The following MAN2C1 variants were observed in gnomAD, a reference collection of about 807,000 sequenced individuals.
MAN2C1 encodes alpha-mannosidase 2C1.
A neutral mutation model predicts 126.9 loss-of-function variants in MAN2C1; 111 were observed. The observed-to-expected ratio is 0.87, with a 90% CI of 0.75 to 1.02. The LOEUF (loss-of-function observed/expected upper bound fraction) is 1.02, where lower values mean the gene tolerates loss of function less well. MAN2C1 is among the 50% of genes least tolerant of loss of function. MAN2C1 has a pLI of 0.00. For missense variants in MAN2C1, 1,363 were observed against 1,364.4 expected (o/e 1.00, Z 0.02); for synonymous variants, 567 against 561.5 (o/e 1.01, Z -0.14).
chr15:75,365,869 G>T (rs2072564427), intron 4 of MAN2C1: 1 of 376,100 alleles, frequency 2.7e-6, no homozygotes, highest in Non-Finnish European at 5.2e-6. Flanking sequence ...CGGATAACCT[G>T]AGGTCAAGAA....
rs966697351 is a variant in MAN2C1 at position 75,361,069 on chromosome 15, C to T, written c.1437G>A (p.Leu479=). 6.2e-7 allele frequency: 1 copy of T among 1,611,050 alleles called. No individual in the cohort carries two copies. The highest frequency in any genetic ancestry group is 1.1e-5 in the South Asian group (1 of 90,338). ...TQTMLDRLKR[L]SNTDGLPRVQ... ...ACCTGGGCAGCCCATCCGTATTGCT[C>T]AGGCGCTTCAGGCGGTCCAGCATGG... Residue 479 remains leucine, a synonymous_variant, in exon 12 of 26, where the codon CTG becomes CTA. Coordinates refer to ENST00000267978, the MANE Select transcript of MAN2C1 (RefSeq NM_006715.4). The surrounding 1 kb of genome is among the most constrained non-coding windows in gnomAD (Gnocchi z 5.0).
rs1045988414 is a variant in MAN2C1 at position 75,355,819 on chromosome 15, GAA to G, written c.*85_*86del. On this transcript the variant is annotated 3_prime_UTR_variant, in exon 26 of 26. Transcript: ENST00000267978. ...CCCGATCCAAGGATTTATTCCACAA[GAA>G]AAGACTGATCCCTGCTTTAGGCTGG... 4.5e-5 allele frequency: 66 copies of G among 1,466,650 alleles called. No homozygotes were observed. The highest frequency in any genetic ancestry group is 4.4e-5 in the Non-Finnish European group (47 of 1,076,986). The allele number at this position is 1,466,650 out of a possible 1,614,324, so 90.9% of individuals were successfully genotyped here.
chr15:75,364,047 C>A lies in MAN2C1; in HGVS notation c.742G>T (p.Glu248Ter). The A allele has an allele frequency of 6.2e-7, 1 of 1,614,220 alleles. No homozygotes were observed. The highest frequency in any genetic ancestry group is 8.5e-7 in the Non-Finnish European group (1 of 1,180,042). Residue 248 changes from glutamate (E) to a stop codon, truncating the protein, a stop_gained, in exon 6 of 26, where the codon GAA (glutamate) becomes TAA (stop). Transcript: ENST00000267978. LOFTEE classifies it high-confidence loss of function. ...GTGGCATGAATGGTGTGTTGGCTTT[C>A]ACCCCCATGTTGGCCAAAGAACCTG... ...ASRFFGQHGG[E>*]SQHTIHATGH...
At position 75,356,384 on chromosome 15, in the gene MAN2C1, G is replaced by C. The variant is rs865893711; in HGVS notation, c.2803C>G (p.Pro935Ala). Residue 935 changes from proline to alanine, a missense_variant, in exon 24 of 26, where the codon CCA becomes GCA. Coordinates refer to ENST00000267978, the MANE Select transcript of MAN2C1 (RefSeq NM_006715.4). The surrounding 1 kb of genome is among the most constrained non-coding windows in gnomAD (Gnocchi z 5.8). Reference sequence around the variant, plus strand: ...GTGGCGGGCGCTGGGCTGGGGGCTGGCAGAGCCAACAGGGGGAAGTTTAGG... The same window carrying C: ...GTGGCGGGCGCTGGGCTGGGGGCTGCCAGAGCCAACAGGGGGAAGTTTAGG... ...YSLNFPLLAL[P>A]APSPAPATSW... 4 of 1,611,336 alleles carry C rather than the reference G, an allele frequency of 2.5e-6. No individual in the cohort carries two copies. Among genetic ancestry groups the C allele is most frequent in the East Asian group, 2.2e-5 (1 of 44,804 alleles).
chr15:75,362,804 G>T lies in MAN2C1; in HGVS notation c.791-56C>A. 1 of 1,485,932 alleles carries T rather than the reference G, an allele frequency of 6.7e-7. No individual in the cohort carries two copies. The allele number at this position is 1,485,932 out of a possible 1,614,324, so 92.0% of individuals were successfully genotyped here. ...GAGCAGCAAGGCTGACCAGGCCTGG[G>T]CTGGGACTCCAGAGGGTCACCTAGC... On this transcript the variant is annotated intron_variant, in intron 6 of 25. Transcript: ENST00000267978. This position sits in a 1 kb window ranked among gnomAD's most constrained non-coding sequence, Gnocchi z 4.5.
chr15:75,359,717 C>T lies in MAN2C1; in HGVS notation c.1851G>A (p.Gly617=), dbSNP rs2072427167. 2 of 1,614,150 alleles carry T rather than the reference C, an allele frequency of 1.2e-6. No homozygotes were observed. Among genetic ancestry groups the T allele is most frequent in the Non-Finnish European group, 1.7e-6 (2 of 1,180,038 alleles). ...LSAAAAALCA[G]EPGPEGLLIV... ...TGAGGAGGCCCTCAGGACCTGGCTCCCCAGCACACAGGGCTGCGGCTGCAG... is the reference window on the plus strand; with the variant it reads ...TGAGGAGGCCCTCAGGACCTGGCTCTCCAGCACACAGGGCTGCGGCTGCAG... The change falls in exon 16 of 26, where the codon GGG becomes GGA. Residue 617 remains glycine, a synonymous_variant. Coordinates refer to ENST00000267978, the MANE Select transcript of MAN2C1 (RefSeq NM_006715.4).
chr15:75,366,892 CTAAA>C (rs1281046258), intron 3 of MAN2C1, among the ~76,000 whole-genome samples: 5 of 152,046 alleles, frequency 3.3e-5, no homozygotes, highest in Non-Finnish European at 7.4e-5. Flanking sequence ...CTCTGCACCC[CTAAA>C]TAAATACCGG....
At position 75,356,701 on chromosome 15, in the gene MAN2C1, C is replaced by T. The variant is rs373717625; in HGVS notation, c.2658-16G>A. 4 of 1,605,560 alleles carry T rather than the reference C, an allele frequency of 2.5e-6. No individual in the cohort carries two copies. Among genetic ancestry groups the T allele is most frequent in the Non-Finnish European group, 2.6e-6 (3 of 1,176,466 alleles). On this transcript the variant is annotated splice_polypyrimidine_tract_variant and intron_variant, in intron 22 of 25. Coordinates refer to ENST00000267978, the MANE Select transcript of MAN2C1 (RefSeq NM_006715.4). The surrounding 1 kb of genome is among the most constrained non-coding windows in gnomAD (Gnocchi z 5.8). ...CGCCCGCAAGCTGGGGTGAGGAGGG[C>T]GCGTAGGGGCCACGCTGAAGCTGTT...
chr15:75,356,854 C>A lies in MAN2C1; in HGVS notation c.2596G>T (p.Ala866Ser). Residue 866 changes from alanine (A) to serine (S), a missense_variant, in exon 22 of 26, where the codon GCC becomes TCC. By Grantham distance (99) the Ala-to-Ser change is moderately conservative. Around this residue, in one of 3 missense-constraint regions of MAN2C1, gnomAD observed 668 missense variants for 650.1 expected, o/e 1.03. Transcript: ENST00000267978. The surrounding 1 kb of genome is among the most constrained non-coding windows in gnomAD (Gnocchi z 5.8). ...CCATACTTGCAGTCGTTGAGCAGGGCCAGCCCAAAGCCGTGTTCTGACAGA... is the reference window on the plus strand; with the variant it reads ...CCATACTTGCAGTCGTTGAGCAGGGACAGCCCAAAGCCGTGTTCTGACAGA... ...MDLSEHGFGL[A>S]LLNDCKYGAS... 1.2e-6 allele frequency: 2 copies of A among 1,614,160 alleles called. No individual in the cohort carries two copies. The highest frequency in any genetic ancestry group is 1.6e-4 in the Middle Eastern group (1 of 6,062).
Position 75,355,823 on chromosome 15 carries a change from A to T in MAN2C1, c.*83T>A. 6.5e-7 allele frequency: 1 copy of T among 1,541,030 alleles called. No individual in the cohort carries two copies. The highest frequency in any genetic ancestry group is 8.9e-7 in the Non-Finnish European group (1 of 1,124,494). On this transcript the variant is annotated 3_prime_UTR_variant, in exon 26 of 26. Transcript: ENST00000267978. ...ATCCAAGGATTTATTCCACAAGAAAAGACTGATCCCTGCTTTAGGCTGGGG... is the reference window on the plus strand; with the variant it reads ...ATCCAAGGATTTATTCCACAAGAAATGACTGATCCCTGCTTTAGGCTGGGG...
intron 13 of MAN2C1, 141 bp from the exon 14 acceptor site, chr15:75,360,352 T>C: frequency 3.7e-6 from 5 of 1,353,526 alleles, no homozygotes; most frequent in Non-Finnish European, 5.0e-6. Context: ...CTGCCTTAAA[T>C]GCCTTCCCTC....
chr15:75,366,202 T>G (rs1399385131), intron 4 of MAN2C1, among the ~76,000 whole-genome samples: 1 of 152,238 alleles, frequency 6.6e-6, no homozygotes, highest in East Asian at 1.9e-4. Context: ...AGGCAAACAT[T>G]GCTATTATTT....
At position 75,360,634 on chromosome 15, in the gene MAN2C1, C is replaced by T. The variant is rs769325574; in HGVS notation, c.1515G>A (p.Glu505=). The change falls in exon 13 of 26, where the codon GAG becomes GAA. Residue 505 remains glutamate, a synonymous_variant. Coordinates refer to ENST00000267978, the MANE Select transcript of MAN2C1 (RefSeq NM_006715.4). Reference sequence around the variant, plus strand: ...GCTCCCCAACCCACGTGCACAGCTGCTCTGAGTCACTCTCCAGTGCTGAGA... The same window carrying T: ...GCTCCCCAACCCACGTGCACAGCTGTTCTGAGTCACTCTCCAGTGCTGAGA... ...QLFSALESDS[E]QLCTWVGELF... 3.7e-6 allele frequency: 6 copies of T among 1,613,906 alleles called. No homozygotes were observed. Among genetic ancestry groups the T allele is most frequent in the Admixed American group, 1.7e-5 (1 of 60,028 alleles).
At chr15:75,367,480 C>A in intron 3 of MAN2C1, 31 bp downstream of exon 3, 1 of 1,610,388 alleles carries the variant, frequency 6.2e-7, no homozygotes, top group Non-Finnish European at 8.5e-7. Context: ...TGAAATGTGG[C>A]CATACCTGGC....
chr15:75,368,260 C>A lies in MAN2C1; in HGVS notation c.102-62G>T, dbSNP rs947514159. 1.4e-5 allele frequency: 21 copies of A among 1,535,760 alleles called. No homozygotes were observed. The East Asian group carries it at 4.9e-4, about 36-fold the overall frequency. ...CGCCCCGTTTCCGCCTGGGGGCCAG[C>A]TGGCCGGTGGGGCCGCACTTTCCCT... On this transcript the variant is annotated intron_variant, in intron 1 of 25. Coordinates refer to ENST00000267978, the MANE Select transcript of MAN2C1 (RefSeq NM_006715.4).
At chr15:75,360,470 A>C in intron 13 of MAN2C1, 95 bp downstream of exon 13, 5 of 1,522,406 alleles carry the variant, frequency 3.3e-6, no homozygotes, top group Non-Finnish European at 4.4e-6. Context: ...CTCTTCCCCT[A>C]GATCTGGCCT....
chr15:75,360,455 A>G (rs2072443637), intron 13 of MAN2C1, 110 bp downstream of exon 13: 1 of 1,478,396 alleles, frequency 6.8e-7, no homozygotes, highest in African/African-American at 1.4e-5. Context: ...CTCTCCTCCA[A>G]ACTTCTCTTC....
rs1444758571 is a variant in MAN2C1, at chr15:75,356,669, C to A, written c.2674G>T (p.Ala892Ser). The A allele has an allele frequency of 4.4e-6, 7 of 1,588,374 alleles. No individual in the cohort carries two copies. Among genetic ancestry groups the A allele is most frequent in the Non-Finnish European group, 6.0e-6 (7 of 1,167,870 alleles). ...CCCGTGTCAGCAGTAGCGTCCGGGG[C>A]TTTAGGCGCCCGCAAGCTGGGGTGA... ...LSLSLLRAPKAPDATADTGRH... is the reference protein window; with the variant it reads ...LSLSLLRAPKSPDATADTGRH... The change falls in exon 23 of 26, where the codon GCC (alanine) becomes TCC (serine). Residue 892 changes from alanine (A) to serine (S), a missense_variant. Ala to Ser is a moderately conservative substitution (Grantham distance 99). Transcript: ENST00000267978. This position sits in a 1 kb window ranked among gnomAD's most constrained non-coding sequence, Gnocchi z 5.8.
At position 75,358,986 on chromosome 15, in the gene MAN2C1, TGGCAAG is replaced by T. The variant is rs931298903; in HGVS notation, c.2141+67_2141+72del. ...TGGTGGGCTGCTGTGGGCAGTGTTGTGGCAAGGGGAGAGAGGAAATGGCCTGGGGTC... is the reference window on the plus strand; with the variant it reads ...TGGTGGGCTGCTGTGGGCAGTGTTGTGGGAGAGAGGAAATGGCCTGGGGTC... On this transcript the variant is annotated intron_variant, in intron 18 of 25. Coordinates refer to ENST00000267978, the MANE Select transcript of MAN2C1 (RefSeq NM_006715.4). 1.9e-6 allele frequency: 3 copies of T among 1,590,018 alleles called. No individual in the cohort carries two copies. The African/African-American group carries it at 4.0e-5, about 21-fold the overall frequency.
Sources: allele counts gnomAD v4.1 joint callset (sites outside exome capture counted in the v4.1 genomes callset), GRCh38; gene constraint gnomAD v4.1.1; regional missense constraint gnomAD v4.1.1; non-coding constraint Gnocchi (gnomAD v3.1); transcripts MANE v1.5; gene names NCBI Gene and HGNC (gene_info 2026-07-23, HGNC 2026-07-21).